LRRC7: variants seen among roughly 807,000 people sequenced by gnomAD.
LRRC7 encodes leucine rich repeat containing 7.
LRRC7 carries 23 observed loss-of-function variants against 175.7 expected under a neutral mutation model. That is an observed-to-expected ratio of 0.13 (90% CI 0.09 to 0.19). The LOEUF is 0.19. Ranked by LOEUF, LRRC7 falls within the 10% of genes least tolerant of loss-of-function variation. LRRC7 has a pLI of 1.00. For missense variants in LRRC7, 1,354 were observed against 1,904.7 expected, an observed-to-expected ratio of 0.71 and a Z score of 5.38; for synonymous variants, 685 against 680.9, an observed-to-expected ratio of 1.01 and a Z score of -0.09.
Position 69,640,703 on chromosome 1 carries a change from G to A in LRRC7, c.3-37678G>A, listed in dbSNP as rs532562188. 2.0e-5 allele frequency among the ~76,000 whole-genome samples: 3 copies of A among 150,922 alleles called. No homozygotes were observed. The South Asian group carries it at 6.2e-4, about 31-fold the overall frequency. ...TAATTTTGAGTTAATTAAAATTTGA[G>A]AAATGAATCACAAATAGTTCCATTG... On this transcript the variant is annotated intron_variant, in intron 1 of 26. Transcript: ENST00000651989.
chr1:69,781,518 C>G (rs1409241569), intron 3 of LRRC7, among the ~76,000 whole-genome samples: 3 of 150,566 alleles, frequency 2.0e-5, no homozygotes, highest in Non-Finnish European at 2.9e-5. Context: ...CCCGTCTGTA[C>G]CAAAAATATA....
chr1:69,608,189 A>G (rs1647951994), intron 1 of LRRC7: 1 of 152,234 alleles, frequency 6.6e-6, no homozygotes, highest in Admixed American at 6.6e-5. Context: ...TATTTAGCAT[A>G]GCATATCTAC....
chr1:69,924,707 A>G (rs1647004802), intron 7 of LRRC7, among the ~76,000 whole-genome samples: 1 of 152,262 alleles, frequency 6.6e-6, no homozygotes, highest in South Asian at 2.1e-4. Context: ...GGGCTGAGAC[A>G]ATGGGGTTTC....
chr1:70,127,634 G>A lies in LRRC7; in HGVS notation c.*5747G>A, dbSNP rs999590514. On this transcript the variant is annotated 3_prime_UTR_variant, in exon 27 of 27. Coordinates refer to ENST00000651989, the MANE Select transcript of LRRC7 (RefSeq NM_001370785.2). ...TTTGTAACAACACACTGAGCACTAA[G>A]CAATGTAAGAAATGGGCCTGGATTA... Among the ~76,000 whole-genome samples the A allele has an allele frequency of 6.6e-6, 1 of 152,168 alleles. No homozygotes were observed. The highest frequency in any genetic ancestry group is 2.4e-5 in the African/African-American group (1 of 41,442).
intron 18 of LRRC7, among the ~76,000 whole-genome samples, chr1:70,033,479 G>A (rs1028153514): frequency 3.9e-5 from 6 of 151,942 alleles, no homozygotes; most frequent in African/African-American, 9.7e-5. Context: ...TCATCACTTC[G>A]TTCATAAGGG....
intron 8 of LRRC7, among the ~76,000 whole-genome samples, chr1:69,974,176 T>G (rs1442243125): frequency 6.6e-6 from 1 of 152,206 alleles, no homozygotes; most frequent in Admixed American, 6.5e-5. Context: ...TTCATCTTAT[T>G]TCATACATAA....
intron 8 of LRRC7, among the ~76,000 whole-genome samples, chr1:69,976,344 G>T (rs904630810): frequency 6.6e-6 from 1 of 152,198 alleles, no homozygotes; most frequent in Non-Finnish European, 1.5e-5. Flanking sequence ...TGCAGCCTGG[G>T]AGGCTAAGCC....
chr1:70,053,166 A>C, intron 23 of LRRC7, 21 bp downstream of exon 23: 1 of 1,593,368 alleles, frequency 6.3e-7, no homozygotes, highest in Non-Finnish European at 8.5e-7. Flanking sequence ...TTTAATTAAC[A>C]AGACAAACCA....
intron 11 of LRRC7, among the ~76,000 whole-genome samples, chr1:70,007,151 C>T (rs1300023260): frequency 6.6e-6 from 1 of 152,170 alleles, no homozygotes; most frequent in Non-Finnish European, 1.5e-5. Flanking sequence ...TTCCAGCCCT[C>T]TAATCACAAG....
intron 7 of LRRC7, among the ~76,000 whole-genome samples, chr1:69,918,478 G>C (rs1231322056): frequency 3.3e-5 from 5 of 152,076 alleles, no homozygotes; most frequent in Non-Finnish European, 7.4e-5. Context: ...CATCTAAAAG[G>C]AACATTTTTT....
intron 7 of LRRC7, among the ~76,000 whole-genome samples, chr1:69,872,069 T>C (rs1439641474): frequency 1.3e-4 from 20 of 151,986 alleles, no homozygotes; most frequent in African/African-American, 2.4e-5. Context: ...AATATACAAG[T>C]CTCTTTAGAT....
intron 7 of LRRC7, among the ~76,000 whole-genome samples, chr1:69,841,687 C>T (rs1410065526): frequency 6.6e-6 from 1 of 152,092 alleles, no homozygotes; most frequent in African/African-American, 2.4e-5. Context: ...ATTATCTCCT[C>T]AAGACAGTAT....
chr1:70,012,664 CACTT>C (rs1209855733), intron 12 of LRRC7, among the ~76,000 whole-genome samples: 1 of 151,520 alleles, frequency 6.6e-6, no homozygotes, highest in Non-Finnish European at 1.5e-5. Context: ...TATTAGTACT[CACTT>C]CGACAGACAA....
chr1:69,664,405 A>G (rs1425164266), intron 1 of LRRC7, among the ~76,000 whole-genome samples: 1 of 152,154 alleles, frequency 6.6e-6, no homozygotes, highest in Admixed American at 6.5e-5. Context: ...TAGTGGTTGT[A>G]CTAATTTACA....
At chr1:69,639,898 A>G (rs13376395) in intron 1 of LRRC7, among the ~76,000 whole-genome samples, 2,583 of 151,932 alleles carry the variant, frequency 0.017, 67 homozygotes, top group African/African-American at 0.059. Context: ...TTAAAACAGG[A>G]AAGAGGAAAG....
chr1:70,084,304 T>G (rs1437371889), intron 24 of LRRC7, among the ~76,000 whole-genome samples: 3 of 152,208 alleles, frequency 2.0e-5, no homozygotes, highest in African/African-American at 4.8e-5. Flanking sequence ...CTTTGCATCC[T>G]TGAGCAGTCA....
intron 7 of LRRC7, among the ~76,000 whole-genome samples, chr1:69,854,813 T>C (rs540572198): frequency 6.6e-6 from 1 of 152,142 alleles, no homozygotes; most frequent in African/African-American, 2.4e-5. Flanking sequence ...CTACTGGTGA[T>C]TTTTTTAAGT....
In LRRC7 at chr1:69,729,713, A is replaced by G. The variant is rs140546753; in HGVS notation, c.101-30478A>G. Among the ~76,000 whole-genome samples the G allele has an allele frequency of 7.8e-4, 119 of 152,176 alleles. 1 individual carries two copies. The East Asian group carries it at 0.022, about 29-fold the overall frequency. On this transcript the variant is annotated intron_variant, in intron 2 of 26. Coordinates refer to ENST00000651989, the MANE Select transcript of LRRC7 (RefSeq NM_001370785.2). ...CCTGTGGCTTTTCCAGGCACATGGT[A>G]CAAGCTATAAGTGGATCTACTGTTC...
intron 2 of LRRC7, among the ~76,000 whole-genome samples, chr1:69,727,150 G>GT (rs1006985671): frequency 1.8e-4 from 28 of 152,198 alleles, no homozygotes; most frequent in Admixed American, 1.4e-3. Flanking sequence ...TTGGAGGGAT[G>GT]TATCCTGGAT....
Sources: gnomAD v4.1 joint callset for allele counts (sites outside exome capture counted in the v4.1 genomes callset) on GRCh38, gnomAD v4.1.1 for gene constraint, MANE v1.5 for transcripts, NCBI Gene and HGNC (gene_info 2026-07-23, HGNC 2026-07-21) for gene names.